The following TMEFF2 variants were observed in gnomAD, a reference collection of about 807,000 sequenced individuals.
TMEFF2 encodes tomoregulin-2.
A neutral mutation model predicts 53.8 loss-of-function variants in TMEFF2; 28 were observed. The ratio of observed to expected loss-of-function variants is 0.52; its 90% confidence interval spans 0.39 to 0.71. TMEFF2 has a LOEUF of 0.71. Ranked by LOEUF, TMEFF2 falls within the 30% of genes least tolerant of loss-of-function variation. TMEFF2 has a pLI of 0.00. For synonymous variants in TMEFF2, 162 were observed against 166.3 expected, an observed-to-expected ratio of 0.97 and a Z score of 0.20; for missense variants, 353 against 455.2, an observed-to-expected ratio of 0.78 and a Z score of 2.04.
intron 4 of TMEFF2, among the ~76,000 whole-genome samples, chr2:192,095,769 G>T (rs769099190): frequency 6.6e-6 from 1 of 152,054 alleles, no homozygotes; most frequent in African/African-American, 2.4e-5. Context: ...CTCTGGGAGC[G>T]CAGCTTTTAG....
At chr2:192,085,051 C>G (rs1321506476) in intron 4 of TMEFF2, among the ~76,000 whole-genome samples, 1 of 152,146 alleles carries the variant, frequency 6.6e-6, no homozygotes, top group Non-Finnish European at 1.5e-5. Flanking sequence ...CTTTTCTCGT[C>G]TCCTTCACAG....
chr2:192,177,021 A>T (rs1691061642), intron 4 of TMEFF2: 1 of 151,160 alleles, frequency 6.6e-6, no homozygotes, highest in Admixed American at 6.6e-5. Flanking sequence ...GAAATTAGAA[A>T]ATAACTATTA....
At chr2:192,052,541 T>C (rs1687797002) in intron 5 of TMEFF2, among the ~76,000 whole-genome samples, 1 of 152,162 alleles carries the variant, frequency 6.6e-6, no homozygotes, top group Non-Finnish European at 1.5e-5. Flanking sequence ...TCAGAAATAT[T>C]TGCTGAAATC....
chr2:191,987,083 G>A (rs1483163819), intron 7 of TMEFF2, among the ~76,000 whole-genome samples: 4 of 152,082 alleles, frequency 2.6e-5, no homozygotes, highest in Middle Eastern at 3.4e-3. Flanking sequence ...AACACAACAC[G>A]ATTGACATTC....
chr2:192,117,713 T>C (rs1439037142), intron 4 of TMEFF2, among the ~76,000 whole-genome samples: 1 of 152,044 alleles, frequency 6.6e-6, no homozygotes, highest in African/African-American at 2.4e-5. Flanking sequence ...CTGATTGGTT[T>C]CTATCTCACA....
chr2:192,003,116 A>G (rs576831716), intron 5 of TMEFF2, among the ~76,000 whole-genome samples: 3 of 152,226 alleles, frequency 2.0e-5, no homozygotes, highest in Non-Finnish European at 4.4e-5. Flanking sequence ...TATCTTGCAC[A>G]CATGAAACTT....
intron 7 of TMEFF2, among the ~76,000 whole-genome samples, chr2:191,984,706 T>C (rs1463022376): frequency 2.0e-5 from 3 of 152,030 alleles, no homozygotes; most frequent in African/African-American, 7.2e-5. Flanking sequence ...AATAAACTCG[T>C]CCATTAGTTA....
intron 4 of TMEFF2, among the ~76,000 whole-genome samples, chr2:192,075,298 T>TAA (rs1559114975): frequency 2.6e-5 from 1 of 37,738 alleles, no homozygotes; most frequent in African/African-American, 9.6e-5. Context: ...TATATATATA[T>TAA]ATATATATAT....
chr2:191,962,143 T>C (rs1287574610), intron 7 of TMEFF2, among the ~76,000 whole-genome samples: 2 of 152,364 alleles, frequency 1.3e-5, no homozygotes, highest in East Asian at 3.9e-4. Flanking sequence ...ACATTCTTGC[T>C]ACAAATTTAA....
intron 7 of TMEFF2, among the ~76,000 whole-genome samples, chr2:191,956,965 A>C (rs994404552): frequency 3.3e-5 from 5 of 152,168 alleles, no homozygotes; most frequent in Non-Finnish European, 5.9e-5. Flanking sequence ...TAAATAAGAA[A>C]ACGTTATTTC....
intron 4 of TMEFF2, among the ~76,000 whole-genome samples, chr2:192,121,719 G>T (rs777221778): frequency 6.6e-6 from 1 of 152,138 alleles, no homozygotes; most frequent in African/African-American, 2.4e-5. Flanking sequence ...TCTGGTCATG[G>T]ATTAGACAGT....
chr2:192,097,678 A>G (rs1159273996), intron 4 of TMEFF2, among the ~76,000 whole-genome samples: 3 of 152,184 alleles, frequency 2.0e-5, no homozygotes, highest in Admixed American at 6.5e-5. Flanking sequence ...TCATTTCTCA[A>G]CTGCACTTCA....
At chr2:192,186,656 T>C (rs944728351) in intron 2 of TMEFF2, among the ~76,000 whole-genome samples, 1 of 152,146 alleles carries the variant, frequency 6.6e-6, no homozygotes, top group Non-Finnish European at 1.5e-5. Context: ...CTAGTTAACA[T>C]CTCATGCTTG....
rs180995050 is a variant in TMEFF2 at position 192,194,260 on chromosome 2, G to A, written c.172+93C>T. The stretch of plus-strand genomic sequence containing the variant: ...GGTCTAGGGCAGTAGGAGGTGAGGG[G>A]CTGAGGAGGCGCGCTAGGGTAGGCT... On this transcript the variant is annotated intron_variant, in intron 1 of 9. Coordinates refer to ENST00000272771, the MANE Select transcript of TMEFF2 (RefSeq NM_016192.4). This position sits in a 1 kb window ranked among gnomAD's most constrained non-coding sequence, Gnocchi z 4.2. 2.1e-4 allele frequency: 308 copies of A among 1,477,636 alleles called. 1 individual carries two copies. The African/African-American group carries it at 3.9e-3, about 19-fold the overall frequency. 91.5% of individuals were successfully genotyped at this position (1,477,636 alleles called of 1,614,324 possible).
intron 7 of TMEFF2, among the ~76,000 whole-genome samples, chr2:191,960,992 GATTA>G (rs767546068): frequency 8.5e-5 from 13 of 152,106 alleles, no homozygotes; most frequent in Non-Finnish European, 1.9e-4. Context: ...ATTTACTTAT[GATTA>G]ATCATGAATA....
At chr2:191,964,135 G>A (rs1692346777) in intron 7 of TMEFF2, among the ~76,000 whole-genome samples, 1 of 151,944 alleles carries the variant, frequency 6.6e-6, no homozygotes, top group African/African-American at 2.4e-5. Context: ...TGTGTTTGAT[G>A]ACTCCTGACT....
intron 5 of TMEFF2, among the ~76,000 whole-genome samples, chr2:192,052,692 T>C (rs1687802361): frequency 6.6e-6 from 1 of 152,192 alleles, no homozygotes; most frequent in Non-Finnish European, 1.5e-5. Flanking sequence ...ATCCCTTTTA[T>C]GTATAAATGT....
At position 191,969,141 on chromosome 2, in the gene TMEFF2, A is replaced by ATATGTGTG. The variant is rs1553508554; in HGVS notation, c.746-12764_746-12763insCACACATA. On this transcript the variant is annotated intron_variant, in intron 7 of 9. Transcript: ENST00000272771. ...TGTTTGTGTATGTGTGTGTGTATCT[A>ATATGTGTG]TGTGTGTGTGTGTATATATATATAT... Among the ~76,000 whole-genome samples the ATATGTGTG allele has an allele frequency of 1.4e-3, 210 of 150,310 alleles. 2 individuals are homozygous for ATATGTGTG. Among genetic ancestry groups the ATATGTGTG allele is most frequent in the African/African-American group, 4.9e-3 (201 of 40,816 alleles).
chr2:192,055,382 T>C (rs1687877184), intron 5 of TMEFF2, among the ~76,000 whole-genome samples: 1 of 152,232 alleles, frequency 6.6e-6, no homozygotes, highest in African/African-American at 2.4e-5. Context: ...AAATAACTGG[T>C]ATGTTTAAAA....
Sources: gnomAD v4.1 joint callset for allele counts (sites outside exome capture counted in the v4.1 genomes callset) on GRCh38, gnomAD v4.1.1 for gene constraint, Gnocchi (gnomAD v3.1) non-coding constraint, MANE v1.5 for transcripts, NCBI Gene and HGNC (gene_info 2026-07-23, HGNC 2026-07-21) for gene names.